The following TBC1D32 variants were observed in gnomAD, a reference collection of about 807,000 sequenced individuals.
The protein encoded by TBC1D32 is TBC1 domain family member 32, also known as protein broad-minded.
In TBC1D32, 151 loss-of-function variants were observed where a neutral mutation model predicts 170.3. The observed-to-expected ratio is 0.89, with a 90% confidence interval of 0.78 to 1.01. TBC1D32 has a LOEUF of 1.01. Ranked by LOEUF, TBC1D32 falls within the 50% of genes least tolerant of loss-of-function variation. TBC1D32 has a pLI of 0.00. For synonymous variants in TBC1D32, 498 were observed against 488.0 expected, an observed-to-expected ratio of 1.02 and a Z score of -0.27; for missense variants, 1,464 against 1,457.1, an observed-to-expected ratio of 1.00 and a Z score of -0.08.
At chr6:121,239,363 T>C (rs1796679145) in intron 19 of TBC1D32, among the ~76,000 whole-genome samples, 175 bp from the exon 20 acceptor site, 1 of 152,164 alleles carries the variant, frequency 6.6e-6, no homozygotes, top group Non-Finnish European at 1.5e-5. Context: ...ATTGTTAATA[T>C]ACTTTTATGA....
chr6:121,327,595 G>A (rs1268462256), intron 1 of TBC1D32, among the ~76,000 whole-genome samples: 1 of 152,156 alleles, frequency 6.6e-6, no homozygotes, highest in African/African-American at 2.4e-5. Flanking sequence ...GGGTAGTCTG[G>A]TAAAGGAAAG....
intron 24 of TBC1D32, among the ~76,000 whole-genome samples, chr6:121,143,420 G>T (rs760089033): frequency 2.0e-5 from 3 of 152,078 alleles, no homozygotes; most frequent in Non-Finnish European, 4.4e-5. Context: ...TCATCTAATG[G>T]TTAACACTGA....
At chr6:121,185,074 CT>C (rs1789016390) in intron 22 of TBC1D32, among the ~76,000 whole-genome samples, 1 of 151,768 alleles carries the variant, frequency 6.6e-6, no homozygotes, top group African/African-American at 2.4e-5. Context: ...TTCTGAGCCC[CT>C]GACCATCTAG....
At chr6:121,285,813 C>T (rs1038568650) in intron 12 of TBC1D32, among the ~76,000 whole-genome samples, 1 of 152,194 alleles carries the variant, frequency 6.6e-6, no homozygotes, top group African/African-American at 2.4e-5. Context: ...AATCAGGCAG[C>T]AACATCTGCT....
At chr6:121,234,172 C>A (rs949473148) in intron 20 of TBC1D32, among the ~76,000 whole-genome samples, 2 of 151,940 alleles carry the variant, frequency 1.3e-5, no homozygotes, top group African/African-American at 4.8e-5. Flanking sequence ...TTTTAGATAA[C>A]CTGATGACCA....
intron 22 of TBC1D32, among the ~76,000 whole-genome samples, chr6:121,190,919 T>C (rs1164806793): frequency 6.6e-6 from 1 of 152,154 alleles, no homozygotes; most frequent in African/African-American, 2.4e-5. Context: ...TTTCTCCTAG[T>C]ACTAATTTAA....
At position 121,287,715 on chromosome 6, in the gene TBC1D32, A is replaced by G. The variant is rs1179901046; in HGVS notation, c.1373-3805T>C. 2.0e-5 allele frequency among the ~76,000 whole-genome samples: 3 copies of G among 152,282 alleles called. No homozygotes were observed. In the East Asian group the frequency reaches 5.8e-4, roughly 29 times the overall value. On this transcript the variant is annotated intron_variant, in intron 12 of 31. Coordinates refer to ENST00000398212, the MANE Select transcript of TBC1D32 (RefSeq NM_152730.6). ...CAGAATATACATTCTTCCCAACACC[A>G]CACCGCACTTATTCCAAATTGACCA...
At chr6:121,107,100 G>A (rs1291153042) in intron 29 of TBC1D32, among the ~76,000 whole-genome samples, 2 of 151,638 alleles carry the variant, frequency 1.3e-5, no homozygotes, top group African/African-American at 4.8e-5. Flanking sequence ...CTGCCAAAAA[G>A]GCATCTTATC....
chr6:121,253,731 C>CA (rs1408608901), intron 17 of TBC1D32, among the ~76,000 whole-genome samples: 4 of 151,664 alleles, frequency 2.6e-5, no homozygotes, highest in South Asian at 2.1e-4. Flanking sequence ...AAAAAAAAGT[C>CA]AAAAAAACAA....
At chr6:121,106,869 T>C (rs1778741872) in intron 29 of TBC1D32, among the ~76,000 whole-genome samples, 1 of 151,966 alleles carries the variant, frequency 6.6e-6, no homozygotes, top group African/African-American at 2.4e-5. Context: ...ATATTGTTTA[T>C]TTTTTCAATT....
chr6:121,236,084 C>CT (rs1244580424), intron 20 of TBC1D32, among the ~76,000 whole-genome samples: 1 of 148,674 alleles, frequency 6.7e-6, no homozygotes, highest in Non-Finnish European at 1.5e-5. Flanking sequence ...TTCTTTTATT[C>CT]TTTCCTCCCC....
rs758385648 is a variant in TBC1D32 at position 121,126,400 on chromosome 6, G to A, written c.2961C>T (p.Tyr987=). The stretch of plus-strand genomic sequence containing the variant: ...TACCTGTATACTCCACTGAAGGGAA[G>A]TAGCATTCAGATGGGCTTTCAGTGA... ...LHLTESPSEC[Y]FPSVEYTATD... is the part of the protein sequence containing the mutation. Residue 987 remains tyrosine (Y), a synonymous_variant, in exon 26 of 32, where the codon TAC becomes TAT. Transcript: ENST00000398212. 3 of 1,612,648 alleles carry A rather than the reference G, an allele frequency of 1.9e-6. No individual in the cohort carries two copies. Among genetic ancestry groups the A allele is most frequent in the South Asian group, 1.1e-5 (1 of 90,960 alleles).
At chr6:121,321,071 T>C (rs1375967674) in intron 2 of TBC1D32, among the ~76,000 whole-genome samples, 1 of 152,214 alleles carries the variant, frequency 6.6e-6, no homozygotes, top group African/African-American at 2.4e-5. Flanking sequence ...TATTAATCTT[T>C]CTTAAACATA....
At chr6:121,115,318 A>G in intron 26 of TBC1D32, 77 bp from the exon 27 acceptor site, 1 of 1,051,184 alleles carries the variant, frequency 9.5e-7, no homozygotes, top group South Asian at 2.2e-5. Context: ...AAAATTGATG[A>G]AAGCAATATT....
At chr6:121,280,817 A>T (rs1245876379) in intron 14 of TBC1D32, among the ~76,000 whole-genome samples, 1 of 151,834 alleles carries the variant, frequency 6.6e-6, no homozygotes, top group Non-Finnish European at 1.5e-5. Context: ...ATGGGTGAAC[A>T]TAAGAGGAAG....
chr6:121,214,849 T>C (rs9401381), intron 21 of TBC1D32, among the ~76,000 whole-genome samples: 25,290 of 152,132 alleles, frequency 0.17, 2,800 homozygotes, highest in East Asian at 0.52. Context: ...CCAGGAAGAA[T>C]GAGGTATGTA....
chr6:121,084,146 A>G (rs1775945122), intron 31 of TBC1D32, among the ~76,000 whole-genome samples: 1 of 152,118 alleles, frequency 6.6e-6, no homozygotes, highest in South Asian at 2.1e-4. Context: ...CTGGCACCTT[A>G]GACTCCTCCA....
chr6:121,275,710 A>G (rs1583520836), intron 15 of TBC1D32, among the ~76,000 whole-genome samples: 2 of 152,208 alleles, frequency 1.3e-5, no homozygotes, highest in Non-Finnish European at 2.9e-5. Flanking sequence ...GATCTACAAG[A>G]TATAAAATGT....
At chr6:121,250,061 T>C (rs1021046450) in intron 17 of TBC1D32, among the ~76,000 whole-genome samples, 1 of 152,018 alleles carries the variant, frequency 6.6e-6, no homozygotes, top group South Asian at 2.1e-4. Context: ...TCTGAAGGCA[T>C]CTCATTACCC....
Sources: gnomAD v4.1 joint callset for allele counts (sites outside exome capture counted in the v4.1 genomes callset) on GRCh38, gnomAD v4.1.1 for gene constraint, MANE v1.5 for transcripts, NCBI Gene and HGNC (gene_info 2026-07-23, HGNC 2026-07-21) for gene names.